CHD6: variants seen among roughly 807,000 people sequenced by gnomAD.
CHD6 encodes ATP-dependent chromatin remodeler CHD6.
CHD6 carries 50 observed loss-of-function variants against 276.9 expected under a neutral mutation model. The ratio of observed to expected loss-of-function variants is 0.18; its 90% CI spans 0.14 to 0.23. The LOEUF is 0.23. Among genes scored for constraint, CHD6 ranks in the 10% least tolerant of loss-of-function variants. The probability of loss-of-function intolerance (pLI) is 1.00; values close to 1 mark genes in which losing one functional copy is unlikely to be tolerated. For missense variants in CHD6, 2,564 were observed against 3,365.8 expected (o/e 0.76, Z 5.89); for synonymous variants, 1,173 against 1,229.3 (o/e 0.95, Z 0.96).
intron 33 of CHD6, 98 bp downstream of exon 33, chr20:41,416,490 C>A: frequency 8.7e-7 from 1 of 1,148,090 alleles, no homozygotes; most frequent in East Asian, 2.4e-5. Context: ...AAACCCCTAT[C>A]CACTCAGTAA....
At chr20:41,488,309 A>T in intron 13 of CHD6, 119 bp downstream of exon 13, 1 of 988,602 alleles carries the variant, frequency 1.0e-6, no homozygotes, top group Non-Finnish European at 1.5e-6. Flanking sequence ...AGACCAAAAA[A>T]GAAAATCTAA....
At chr20:41,438,299 T>C (rs961812733) in intron 26 of CHD6, among the ~76,000 whole-genome samples, 25 of 152,170 alleles carry the variant, frequency 1.6e-4, no homozygotes, top group African/African-American at 6.0e-4. Context: ...TTTTAAAAAC[T>C]GACTTTGAGG....
At chr20:41,502,544 T>C (rs971552438) in intron 5 of CHD6, among the ~76,000 whole-genome samples, 38 of 152,246 alleles carry the variant, frequency 2.5e-4, no homozygotes, top group African/African-American at 8.7e-4. Flanking sequence ...CTCCTACAGC[T>C]TGATTACAAA....
In CHD6 at chr20:41,497,536, A is replaced by G. The variant is rs751423515; in HGVS notation, c.975-35T>C. On this transcript the variant is annotated intron_variant, in intron 7 of 36. Transcript: ENST00000373233. ...GACATACAAATTGTCAGGCAAGCAC[A>G]TAACTAGCAAATGATCGAGCTTTAA... 7 of 1,385,428 alleles carry G rather than the reference A, an allele frequency of 5.1e-6. No homozygotes were observed. In the African/African-American group the frequency reaches 5.7e-5, roughly 11 times the overall value. The allele number at this position is 1,385,428 out of a possible 1,614,324, so 85.8% of individuals were successfully genotyped here. A position where few individuals can be genotyped will look rare whatever the true frequency, so the allele number is the denominator to read the frequency against.
At chr20:41,450,595 G>A (rs2048206717) in intron 23 of CHD6, among the ~76,000 whole-genome samples, 1 of 152,168 alleles carries the variant, frequency 6.6e-6, no homozygotes, top group Non-Finnish European at 1.5e-5. Context: ...AGAGGTGGCT[G>A]AGAGTGGCAG....
chr20:41,493,368 G>C (rs536474962), intron 10 of CHD6, among the ~76,000 whole-genome samples, 170 bp downstream of exon 10: 1 of 152,120 alleles, frequency 6.6e-6, no homozygotes, highest in East Asian at 1.9e-4. Context: ...AAGGGCGCTG[G>C]GAAAGTTCGA....
intron 1 of CHD6, among the ~76,000 whole-genome samples, chr20:41,607,607 G>A (rs1466395659): frequency 6.6e-6 from 1 of 152,046 alleles, no homozygotes. Context: ...AGTGCTGTGG[G>A]GAGAGAGATT....
Position 41,521,102 on chromosome 20 carries a change from C to T in CHD6, c.555-6150G>A, listed in dbSNP as rs1601073255. On this transcript the variant is annotated intron_variant, in intron 3 of 36. Transcript: ENST00000373233. ...AGTATACCTCTGTACACAGATCTGC[C>T]TTTAGGAAATCTGTTAAAGTTCTAC... Among the ~76,000 whole-genome samples, 4 of 152,220 alleles carry T rather than the reference C, an allele frequency of 2.6e-5. No homozygotes were observed. The South Asian group carries it at 8.3e-4, about 32-fold the overall frequency.
At chr20:41,504,656 C>T (rs963762860) in intron 5 of CHD6, among the ~76,000 whole-genome samples, 11 of 152,224 alleles carry the variant, frequency 7.2e-5, no homozygotes, top group Admixed American at 2.6e-4. Context: ...AGCAATACTC[C>T]AGCCTTGGTC....
chr20:41,472,518 C>G (rs534190269), intron 17 of CHD6, among the ~76,000 whole-genome samples: 1 of 152,108 alleles, frequency 6.6e-6, no homozygotes, highest in African/African-American at 2.4e-5. Context: ...AAGATATATG[C>G]GATATACACT....
intron 5 of CHD6, among the ~76,000 whole-genome samples, chr20:41,503,723 T>C (rs1016124640): frequency 6.6e-6 from 1 of 152,076 alleles, no homozygotes; most frequent in African/African-American, 2.4e-5. Flanking sequence ...GGTCATTAGT[T>C]ATATCGTCAA....
intron 3 of CHD6, among the ~76,000 whole-genome samples, chr20:41,531,721 A>G (rs1381108462): frequency 6.6e-6 from 1 of 152,206 alleles, no homozygotes; most frequent in South Asian, 2.1e-4. Flanking sequence ...TATGAGGCAA[A>G]ATTTTAATTT....
Position 41,416,507 on chromosome 20 carries a change from G to C in CHD6, c.6486+81C>G, listed in dbSNP as rs889495628. ...ACCCCTATCCACTCAGTAAATACTTGCTGAATGAATGAACTCAACAGAGAC... is the reference window on the plus strand; with the variant it reads ...ACCCCTATCCACTCAGTAAATACTTCCTGAATGAATGAACTCAACAGAGAC... On this transcript the variant is annotated intron_variant, in intron 33 of 36. Transcript: ENST00000373233. The C allele has an allele frequency of 3.1e-6, 4 of 1,304,712 alleles. No homozygotes were observed. The African/African-American group carries it at 4.4e-5, about 15-fold the overall frequency. The allele number at this position is 1,304,712 out of a possible 1,614,324, so 80.8% of individuals were successfully genotyped here.
intron 11 of CHD6, among the ~76,000 whole-genome samples, chr20:41,491,338 A>T (rs1023794553): frequency 2.0e-5 from 3 of 148,394 alleles, no homozygotes; most frequent in South Asian, 2.1e-4. Context: ...ATATATATAT[A>T]TTTTTTGGTT....
chr20:41,553,671 T>C (rs939663894), intron 1 of CHD6, among the ~76,000 whole-genome samples: 2 of 152,242 alleles, frequency 1.3e-5, no homozygotes, highest in Non-Finnish European at 2.9e-5. Flanking sequence ...TTTGTTCAGG[T>C]GTGCTCTCAC....
At chr20:41,466,784 A>C (rs2042930443) in intron 17 of CHD6, among the ~76,000 whole-genome samples, 1 of 152,220 alleles carries the variant, frequency 6.6e-6, no homozygotes, top group Non-Finnish European at 1.5e-5. Flanking sequence ...TTTCTTGCTC[A>C]CTGCCAGAAC....
rs1402657752 is a variant in CHD6, at chr20:41,533,183, C to T, written c.421G>A (p.Glu141Lys). 2 of 1,613,968 alleles carry T rather than the reference C, an allele frequency of 1.2e-6. No homozygotes were observed. Among genetic ancestry groups the T allele is most frequent in the Non-Finnish European group, 1.7e-6 (2 of 1,180,022 alleles). The change falls in exon 3 of 37, where the codon GAG becomes AAG. Residue 141 changes from glutamate (E) to lysine (K), a missense_variant. Coordinates refer to ENST00000373233, the MANE Select transcript of CHD6 (RefSeq NM_032221.5). The part of the protein sequence containing the change: ...RKAKEPKKAK[E>K]HKEPKQKDGA... ...TCTTTTTGCTTCGGCTCCTTGTGCT[C>T]CTTGGCCTTCTTCGGCTCCTTGGCC...
In CHD6 at chr20:41,497,387, C is replaced by G. The variant is rs200173663; in HGVS notation, c.1089G>C (p.Thr363=). ...NKQAQMKHIF[T]EPDEDLFNPD... is the part of the protein sequence containing the mutation. ...GAGTCAGTAAATATTGCTTCACCTC[C>G]GTAAAAATGTGCTTCATCTGGGCTT... The change falls in exon 8 of 37, where the codon ACG becomes ACC. Residue 363 remains threonine (T), a synonymous_variant. Coordinates refer to ENST00000373233, the MANE Select transcript of CHD6 (RefSeq NM_032221.5). The G allele has an allele frequency of 1.2e-6, 2 of 1,600,602 alleles. No homozygotes were observed. Among genetic ancestry groups the G allele is most frequent in the African/African-American group, 2.7e-5 (2 of 74,764 alleles).
intron 1 of CHD6, among the ~76,000 whole-genome samples, chr20:41,563,828 T>C (rs1457737671): frequency 6.6e-6 from 1 of 152,162 alleles, no homozygotes; most frequent in Non-Finnish European, 1.5e-5. Flanking sequence ...AATAAACCAA[T>C]TTCTTGACAG....
Sources: gnomAD v4.1 joint callset for allele counts (sites outside exome capture counted in the v4.1 genomes callset) on GRCh38, gnomAD v4.1.1 for gene constraint, MANE v1.5 for transcripts, NCBI Gene and HGNC (gene_info 2026-07-23, HGNC 2026-07-21) for gene names.